The following PURG variants were observed in gnomAD, a reference collection of about 807,000 sequenced individuals.
PURG encodes the protein purine rich element binding protein G.
PURG carries 3 observed loss-of-function variants against 24.3 expected under a neutral mutation model. That is an observed-to-expected ratio of 0.12 (90% confidence interval 0.06 to 0.32). The LOEUF (loss-of-function observed/expected upper bound fraction) is 0.32. PURG is among the 10% of genes least tolerant of loss of function. The pLI, the probability that PURG is intolerant of heterozygous loss-of-function variation, is 1.00. For synonymous variants in PURG, 180 were observed against 173.1 expected (o/e 1.04, Z -0.31); for missense variants, 371 against 439.1 (o/e 0.84, Z 1.39).
At chr8:31,002,655 T>G (rs1239152948) in intron 1 of PURG, among the ~76,000 whole-genome samples, 2 of 152,080 alleles carry the variant, frequency 1.3e-5, no homozygotes, top group African/African-American at 2.4e-5. Flanking sequence ...GGCTAATTTT[T>G]GTATTTTTCG....
downstream of PURG, among the ~76,000 whole-genome samples, chr8:31,029,554 T>A (rs976283088): frequency 6.6e-6 from 1 of 151,630 alleles, no homozygotes; most frequent in Non-Finnish European, 1.5e-5. Context: ...CCAAATCTTA[T>A]CAGACCCAAA....
intron 1 of PURG, among the ~76,000 whole-genome samples, chr8:30,999,890 C>G (rs1326615549): frequency 6.6e-6 from 1 of 151,854 alleles, no homozygotes; most frequent in Non-Finnish European, 1.5e-5. Context: ...ACCATAAAAC[C>G]TGAAAACATC....
intron 1 of PURG, among the ~76,000 whole-genome samples, chr8:31,009,226 A>C (rs781387054): frequency 1.3e-5 from 2 of 152,150 alleles, no homozygotes; most frequent in Admixed American, 6.5e-5. Flanking sequence ...GGAGTTCAAG[A>C]CCAGTCTGGC....
chr8:31,025,472 A>T (rs1041366835), intron 1 of PURG, among the ~76,000 whole-genome samples: 1 of 151,970 alleles, frequency 6.6e-6, no homozygotes, highest in Non-Finnish European at 1.5e-5. Context: ...CAATGCTTTA[A>T]ATTTTTAAAC....
chr8:31,016,751 G>A (rs1356493889), intron 1 of PURG, among the ~76,000 whole-genome samples: 1 of 152,054 alleles, frequency 6.6e-6, no homozygotes. Flanking sequence ...TGAGGATGGG[G>A]ACCAAACCTG....
At chr8:31,015,343 T>C (rs573548477) in intron 1 of PURG, among the ~76,000 whole-genome samples, 45 of 152,142 alleles carry the variant, frequency 3.0e-4, no homozygotes, top group African/African-American at 1.1e-3. Flanking sequence ...TTAACCACAA[T>C]TGAAAACAAA....
intron 1 of PURG, among the ~76,000 whole-genome samples, chr8:31,014,823 A>G (rs893725436): frequency 6.6e-6 from 1 of 152,216 alleles, no homozygotes; most frequent in Non-Finnish European, 1.5e-5. Context: ...TTCAACAAAC[A>G]AATAAAATAC....
At chr8:31,012,457 A>T (rs1810780755) in intron 1 of PURG, among the ~76,000 whole-genome samples, 1 of 152,260 alleles carries the variant, frequency 6.6e-6, no homozygotes, top group South Asian at 2.1e-4. Flanking sequence ...GAAGCAGCAT[A>T]CTGCAACACT....
chr8:31,016,606 A>AAAAAAAAAAAAAC (rs1810875580), intron 1 of PURG, among the ~76,000 whole-genome samples: 2 of 147,864 alleles, frequency 1.4e-5, no homozygotes, highest in African/African-American at 4.9e-5. Context: ...AAAAAAAAAA[A>AAAAAAAAAAAAAC]AAAGAAAGAA....
At chr8:31,025,600 T>C (rs1407664486) in intron 1 of PURG, among the ~76,000 whole-genome samples, 1 of 151,848 alleles carries the variant, frequency 6.6e-6, no homozygotes, top group Non-Finnish European at 1.5e-5. Context: ...GTTGCTTTAA[T>C]TCATAATTAG....
chr8:31,000,585 A>C (rs1810518478), intron 1 of PURG, among the ~76,000 whole-genome samples: 1 of 152,054 alleles, frequency 6.6e-6, no homozygotes, highest in Non-Finnish European at 1.5e-5. Context: ...CACAGGCTAA[A>C]CTCTGCGGTG....
At chr8:31,026,659 T>TATATAC (rs1554513481), downstream of PURG, among the ~76,000 whole-genome samples, 2,160 of 143,620 alleles carry the variant, frequency 0.015, 15 homozygotes, top group East Asian at 0.027. Flanking sequence ...TATATATATA[T>TATATAC]ATACATACAC....
chr8:31,000,090 A>G (rs1810508569), intron 1 of PURG, among the ~76,000 whole-genome samples: 1 of 152,158 alleles, frequency 6.6e-6, no homozygotes. Context: ...TTTTGAAAAC[A>G]GTATTAAACA....
At chr8:31,017,947 G>C (rs527312707) in intron 1 of PURG, among the ~76,000 whole-genome samples, 1 of 152,060 alleles carries the variant, frequency 6.6e-6, no homozygotes, top group Non-Finnish European at 1.5e-5. Context: ...ATTGCCTCTT[G>C]TGTCATTCTA....
chr8:30,998,532 A>G (rs1810473726), intron 1 of PURG, among the ~76,000 whole-genome samples: 1 of 151,768 alleles, frequency 6.6e-6, no homozygotes, highest in East Asian at 1.9e-4. Flanking sequence ...TATGTTATTA[A>G]TTAGCATTCT....
chr8:31,017,124 A>G (rs540378150), intron 1 of PURG, among the ~76,000 whole-genome samples: 185 of 152,254 alleles, frequency 1.2e-3, no homozygotes, highest in Non-Finnish European at 2.4e-3. Context: ...TACAATGAAA[A>G]CTTTTATGTC....
chr8:31,013,725 G>C (rs1003602915), intron 1 of PURG, among the ~76,000 whole-genome samples: 1 of 152,158 alleles, frequency 6.6e-6, no homozygotes, highest in African/African-American at 2.4e-5. Context: ...CAACAAGAGC[G>C]AAACTGTCTC....
At position 31,032,457 on chromosome 8, in the gene PURG, A is replaced by C; in HGVS notation, c.326T>G (p.Leu109Arg). 6.2e-7 allele frequency: 1 copy of C among 1,614,208 alleles called. No homozygotes were observed. The highest frequency in any genetic ancestry group is 8.5e-7 in the Non-Finnish European group (1 of 1,180,038). Reference sequence around the variant, plus strand: ...GTCCTTCAGCTCCGCTGCCACAGACAGGGAGAGGGTCAGTTTACTCTTTCT... The same window carrying C: ...GTCCTTCAGCTCCGCTGCCACAGACCGGGAGAGGGTCAGTTTACTCTTTCT... ...NIRKSKLTLS[L>R]SVAAELKDCL... Residue 109 changes from leucine (L) to arginine (R), a missense_variant, in exon 2 of 2, where the codon CTG becomes CGG. By Grantham distance (102) the Leu-to-Arg change is moderately radical. This residue lies in a region of PURG where 213 missense variants were observed against 230.6 expected (regional missense o/e 0.92). Transcript: ENST00000523392. This position sits in a 1 kb window ranked among gnomAD's most constrained non-coding sequence, Gnocchi z 5.9.
intron 1 of PURG, among the ~76,000 whole-genome samples, chr8:31,018,022 T>C (rs1343315409): frequency 1.3e-5 from 2 of 152,172 alleles, no homozygotes. Flanking sequence ...CTTCATATTT[T>C]TGAAAACAGA....
Sources: allele counts gnomAD v4.1 joint callset (sites outside exome capture counted in the v4.1 genomes callset), GRCh38; gene constraint gnomAD v4.1.1; regional missense constraint gnomAD v4.1.1; non-coding constraint Gnocchi (gnomAD v3.1); transcripts MANE v1.5; gene names NCBI Gene and HGNC (gene_info 2026-07-23, HGNC 2026-07-21).